CNTN4: variants seen among roughly 807,000 people sequenced by gnomAD.
CNTN4 encodes contactin-4.
In CNTN4, 77 loss-of-function variants were observed where a neutral mutation model predicts 122.5. The ratio of observed to expected loss-of-function variants is 0.63; its 90% CI spans 0.52 to 0.76. The LOEUF is 0.76. Ranked by LOEUF, CNTN4 falls within the 30% of genes least tolerant of loss-of-function variation. CNTN4 has a pLI of 0.00. For missense variants in CNTN4, 1,256 were observed against 1,259.1 expected (o/e 1.00, Z 0.04); for synonymous variants, 512 against 447.0 (o/e 1.15, Z -1.83).
intron 4 of CNTN4, among the ~76,000 whole-genome samples, chr3:2,632,171 A>G (rs905840130): frequency 1.3e-5 from 2 of 151,934 alleles, no homozygotes; most frequent in East Asian, 3.9e-4. Context: ...CAGAGACTGT[A>G]TTTTTCTAAT....
chr3:2,735,277 TTCC>T (rs1408616405), intron 4 of CNTN4, among the ~76,000 whole-genome samples: 3 of 152,232 alleles, frequency 2.0e-5, no homozygotes, highest in African/African-American at 7.2e-5. Context: ...CGAAAATCAC[TTCC>T]ATGGGCGTAA....
rs2077108821 is a variant in CNTN4 at position 2,518,648 on chromosome 3, A to G, written c.-88-52768A>G. Among the ~76,000 whole-genome samples the G allele has an allele frequency of 2.0e-5, 3 of 152,212 alleles. No homozygotes were observed. In the South Asian group the frequency reaches 6.2e-4, roughly 31 times the overall value. ...TAGATATGTTAAAGATAAAAAATAT[A>G]TAACTAGTAAATAAAACATATAGTT... is the stretch of plus-strand genomic sequence containing the variant. On this transcript the variant is annotated intron_variant, in intron 3 of 24. Coordinates refer to ENST00000418658, the MANE Select transcript of CNTN4 (RefSeq NM_175607.3).
chr3:2,781,809 C>T (rs539647692), intron 6 of CNTN4, among the ~76,000 whole-genome samples: 2 of 138,754 alleles, frequency 1.4e-5, no homozygotes, highest in African/African-American at 6.1e-5. Flanking sequence ...ACTGCAACCT[C>T]CGCCTCCCGG....
chr3:2,134,660 T>C (rs2034602295), intron 2 of CNTN4, among the ~76,000 whole-genome samples: 1 of 152,176 alleles, frequency 6.6e-6, no homozygotes, highest in Non-Finnish European at 1.5e-5. Flanking sequence ...TTGTGATAAC[T>C]AAGGGGATGC....
chr3:2,120,427 A>ATTTT (rs2033694055), intron 2 of CNTN4, among the ~76,000 whole-genome samples: 1 of 89,272 alleles, frequency 1.1e-5, no homozygotes, highest in Non-Finnish European at 2.2e-5. Flanking sequence ...TTTTTTATGC[A>ATTTT]GAGTCTCACT....
intron 13 of CNTN4, chr3:2,927,472 A>G (rs1459268901): frequency 6.0e-6 from 2 of 333,140 alleles, no homozygotes; most frequent in Non-Finnish European, 1.2e-5. Context: ...TGGCCAAAAC[A>G]GGTCACATGT....
In CNTN4 at chr3:2,898,592, C is replaced by T. The variant is rs191651488; in HGVS notation, c.941-2093C>T. Among the ~76,000 whole-genome samples the T allele has an allele frequency of 1.2e-3, 178 of 152,078 alleles. 1 individual carries two copies. The highest frequency in any genetic ancestry group is 4.0e-3 in the African/African-American group (164 of 41,516). ...TTGCTTCCAGCTTTCTGCATTTTTG[C>T]AAAAAAGCAATAAGAAAGCCCAAGT... On this transcript the variant is annotated intron_variant, in intron 10 of 24. Coordinates refer to ENST00000418658, the MANE Select transcript of CNTN4 (RefSeq NM_175607.3).
intron 3 of CNTN4, among the ~76,000 whole-genome samples, chr3:2,433,101 C>T (rs1033733891): frequency 7.9e-5 from 12 of 152,126 alleles, no homozygotes; most frequent in Admixed American, 3.9e-4. Flanking sequence ...GGATTATAGG[C>T]ATGAGCCACA....
chr3:2,948,912 G>C (rs1366256367), intron 13 of CNTN4, among the ~76,000 whole-genome samples: 1 of 151,974 alleles, frequency 6.6e-6, no homozygotes, highest in Non-Finnish European at 1.5e-5. Flanking sequence ...ATAAACTAAG[G>C]CTCAGTGATA....
intron 3 of CNTN4, among the ~76,000 whole-genome samples, chr3:2,431,820 C>T (rs1192883324): frequency 6.6e-6 from 1 of 152,114 alleles, no homozygotes; most frequent in Non-Finnish European, 1.5e-5. Context: ...GGAATTTTTG[C>T]ACCAACAACT....
chr3:2,387,405 G>C (rs1036484433), intron 3 of CNTN4, among the ~76,000 whole-genome samples: 1 of 152,056 alleles, frequency 6.6e-6, no homozygotes, highest in Non-Finnish European at 1.5e-5. Context: ...TACAGCACTT[G>C]CTACTACTGT....
chr3:3,000,457 T>C (rs1384983192), intron 14 of CNTN4, among the ~76,000 whole-genome samples: 1 of 152,162 alleles, frequency 6.6e-6, no homozygotes, highest in African/African-American at 2.4e-5. Flanking sequence ...CTATGTGACA[T>C]CAGAGGGCAG....
chr3:2,341,444 A>C (rs576193614), intron 3 of CNTN4, among the ~76,000 whole-genome samples: 1 of 152,350 alleles, frequency 6.6e-6, no homozygotes, highest in East Asian at 1.9e-4. Flanking sequence ...GATGTCTTCC[A>C]TAACTATCCA....
intron 6 of CNTN4, among the ~76,000 whole-genome samples, chr3:2,797,282 C>T (rs1316848904): frequency 6.6e-6 from 1 of 152,182 alleles, no homozygotes; most frequent in Non-Finnish European, 1.5e-5. Flanking sequence ...GCGTGAACCA[C>T]CACTCCCAGA....
chr3:2,231,371 C>G (rs758571830), intron 2 of CNTN4, among the ~76,000 whole-genome samples: 16 of 152,132 alleles, frequency 1.1e-4, no homozygotes, highest in South Asian at 1.0e-3. Flanking sequence ...TAATCCATCC[C>G]CTTAACTCCC....
chr3:2,580,331 A>G (rs531862141), intron 4 of CNTN4, among the ~76,000 whole-genome samples: 1 of 152,236 alleles, frequency 6.6e-6, no homozygotes, highest in South Asian at 2.1e-4. Context: ...AGTGGCAGAG[A>G]GCTGAGGAGG....
intron 3 of CNTN4, among the ~76,000 whole-genome samples, chr3:2,521,361 A>C (rs2077214130): frequency 2.3e-4 from 1 of 4,326 alleles, no homozygotes; most frequent in Non-Finnish European, 3.8e-4. Flanking sequence ...ACCCCCCGCA[A>C]TAAGTCACTC....
intron 3 of CNTN4, among the ~76,000 whole-genome samples, chr3:2,370,517 C>T (rs1415891081): frequency 2.0e-5 from 3 of 152,114 alleles, no homozygotes; most frequent in Non-Finnish European, 4.4e-5. Context: ...TTGCCCCCTA[C>T]TGATTTTGTT....
chr3:2,701,800 C>T (rs183212515), intron 4 of CNTN4, among the ~76,000 whole-genome samples: 152 of 152,228 alleles, frequency 1.0e-3, no homozygotes, highest in African/African-American at 3.6e-3. Context: ...TATTAGATTG[C>T]TGCAAAAGTA....
Sources: gnomAD v4.1 joint callset for allele counts (sites outside exome capture counted in the v4.1 genomes callset) on GRCh38, gnomAD v4.1.1 for gene constraint, MANE v1.5 for transcripts, NCBI Gene and HGNC (gene_info 2026-07-23, HGNC 2026-07-21) for gene names.